Variants in BCR observed in about 807,000 individuals in gnomAD.
BCR encodes BCR activator of RhoGEF and GTPase, also known as breakpoint cluster region protein.
Under a neutral mutation model 138.6 loss-of-function variants are expected in BCR, and 58 were observed. The observed-to-expected ratio is 0.42, with a 90% CI of 0.34 to 0.52. The LOEUF is 0.52. Ranked by LOEUF, BCR falls within the 20% of genes least tolerant of loss-of-function variation. BCR has a pLI of 0.06. For synonymous variants in BCR, 786 were observed against 730.1 expected (o/e 1.08, Z -1.23); for missense variants, 1,599 against 1,727.2 (o/e 0.93, Z 1.32).
At chr22:23,254,680 G>A (rs1304267452) in intron 2 of BCR, 2 of 480,424 alleles carry the variant, frequency 4.2e-6, no homozygotes, top group Non-Finnish European at 4.2e-6. Context: ...AGCTCAGGGG[G>A]CTGCTTCAGC....
chr22:23,294,363 G>A (rs1159279366), intron 15 of BCR, among the ~76,000 whole-genome samples: 2 of 152,224 alleles, frequency 1.3e-5, no homozygotes, highest in African/African-American at 4.8e-5. Flanking sequence ...CGCCATAAAA[G>A]TGAACCTGCA....
chr22:23,271,361 G>T (rs1347394248), intron 5 of BCR, among the ~76,000 whole-genome samples, 171 bp from the exon 6 acceptor site: 1 of 152,234 alleles, frequency 6.6e-6, no homozygotes, highest in Non-Finnish European at 1.5e-5. Context: ...CATCCTGCGT[G>T]CTCGGCTTGC....
intron 1 of BCR, among the ~76,000 whole-genome samples, chr22:23,209,900 G>A (rs1201198847): frequency 1.3e-5 from 2 of 152,180 alleles, no homozygotes; most frequent in Non-Finnish European, 2.9e-5. Flanking sequence ...GAGTAACTGT[G>A]ATTACAGACA....
At chr22:23,250,740 T>C (rs2073215794) in intron 1 of BCR, among the ~76,000 whole-genome samples, 1 of 152,060 alleles carries the variant, frequency 6.6e-6, no homozygotes, top group South Asian at 2.1e-4. Context: ...ATGCATGATT[T>C]TAAAAAAGGA....
chr22:23,200,142 C>T (rs1261675920), intron 1 of BCR, among the ~76,000 whole-genome samples: 1 of 151,938 alleles, frequency 6.6e-6, no homozygotes, highest in South Asian at 2.1e-4. Context: ...CTGACGAGAC[C>T]TTGGACATCA....
intron 5 of BCR, among the ~76,000 whole-genome samples, chr22:23,270,615 G>A (rs1421417104): frequency 6.6e-6 from 1 of 152,236 alleles, no homozygotes; most frequent in African/African-American, 2.4e-5. Flanking sequence ...GCATGGCAGC[G>A]TTTGGCCCCA....
chr22:23,258,085 C>T (rs1196452291), intron 2 of BCR, among the ~76,000 whole-genome samples: 1 of 152,120 alleles, frequency 6.6e-6, no homozygotes, highest in East Asian at 1.9e-4. Flanking sequence ...TGTCCTTTTC[C>T]TTGGAGCTGC....
intron 21 of BCR, 57 bp from the exon 22 acceptor site, chr22:23,314,495 C>T (rs1262269295): frequency 1.9e-6 from 3 of 1,597,628 alleles, no homozygotes; most frequent in Admixed American, 3.4e-5. Flanking sequence ...CCCAGCCCCT[C>T]TGCCTCTCTC....
intron 1 of BCR, among the ~76,000 whole-genome samples, chr22:23,230,805 A>G (rs901918784): frequency 6.6e-6 from 1 of 152,296 alleles, no homozygotes; most frequent in East Asian, 1.9e-4. Flanking sequence ...CCTGCATGCC[A>G]GGCCTCACTT....
At chr22:23,182,801 A>C (rs1030228146) in intron 1 of BCR, among the ~76,000 whole-genome samples, 6 of 152,202 alleles carry the variant, frequency 3.9e-5, no homozygotes, top group Admixed American at 2.0e-4. Context: ...TCCTGAACAC[A>C]AGTCACAGCA....
chr22:23,217,427 G>A (rs929939081), intron 1 of BCR, among the ~76,000 whole-genome samples: 7 of 152,294 alleles, frequency 4.6e-5, no homozygotes, highest in African/African-American at 1.2e-4. Flanking sequence ...CTCTCTCTTC[G>A]CCTTGCTGAC....
chr22:23,226,995 G>A (rs1407793270), intron 1 of BCR, among the ~76,000 whole-genome samples: 1 of 152,180 alleles, frequency 6.6e-6, no homozygotes, highest in African/African-American at 2.4e-5. Flanking sequence ...ACCTGGAGGT[G>A]TCTGGAGCAG....
At chr22:23,279,146 C>G (rs934230637) in intron 8 of BCR, among the ~76,000 whole-genome samples, 4 of 152,216 alleles carry the variant, frequency 2.6e-5, no homozygotes, top group African/African-American at 9.6e-5. Context: ...AAGAGCTCAG[C>G]AAACATTAGC....
intron 4 of BCR, chr22:23,263,168 G>GGCGGCTCGGGAGTCAGCCGCCTGC (rs1178419210): frequency 5.1e-6 from 4 of 785,598 alleles, no homozygotes; most frequent in Admixed American, 2.9e-5. Flanking sequence ...AGGAGGAGGA[G>GGCGGCTCGGGAGTCAGCCGCCTGC]GCGGCTCGGG....
chr22:23,227,279 T>C (rs1307636133), intron 1 of BCR, among the ~76,000 whole-genome samples: 1 of 152,200 alleles, frequency 6.6e-6, no homozygotes, highest in African/African-American at 2.4e-5. Context: ...TGTTATTGTG[T>C]TCCGTCTAGA....
At chr22:23,273,844 C>T (rs954271101) in intron 8 of BCR, 70 bp downstream of exon 8, 3 of 1,594,580 alleles carry the variant, frequency 1.9e-6, no homozygotes, top group African/African-American at 2.7e-5. Flanking sequence ...GCCCCTCGAT[C>T]TGAGGTCTGG....
Position 23,292,612 on chromosome 22 carries a change from G to C in BCR, c.2854G>C (p.Asp952His). The change falls in exon 15 of 23, where the codon GAC (aspartate) becomes CAC (histidine). Residue 952 changes from aspartate (D) to histidine (H), a missense_variant. By Grantham distance (81) the Asp-to-His change is moderately conservative (BLOSUM62 -1). Coordinates refer to ENST00000305877, the MANE Select transcript of BCR (RefSeq NM_004327.4). ...TAAAGCAAAGACGCGCGTCTACAGGGACACAGCTGAGCCAAACTGGAACGA... is the reference window on the plus strand; with the variant it reads ...TAAAGCAAAGACGCGCGTCTACAGGCACACAGCTGAGCCAAACTGGAACGA... ...VNKAKTRVYR[D>H]TAEPNWNEEF... 2 of 1,612,842 alleles carry C rather than the reference G, an allele frequency of 1.2e-6. No homozygotes were observed. Among genetic ancestry groups the C allele is most frequent in the Non-Finnish European group, 1.7e-6 (2 of 1,179,294 alleles).
At chr22:23,227,312 CA>C (rs1384600569) in intron 1 of BCR, among the ~76,000 whole-genome samples, 1 of 152,198 alleles carries the variant, frequency 6.6e-6, no homozygotes, top group Non-Finnish European at 1.5e-5. Flanking sequence ...AAGTAGCTCC[CA>C]GTATTCCCCA....
chr22:23,238,635 C>G (rs759683636), intron 1 of BCR, among the ~76,000 whole-genome samples: 4 of 152,100 alleles, frequency 2.6e-5, no homozygotes, highest in African/African-American at 4.8e-5. Context: ...CTGGCCCGTA[C>G]CTGTTGCCAT....
Sources: allele counts gnomAD v4.1 joint callset (sites outside exome capture counted in the v4.1 genomes callset), GRCh38; gene constraint gnomAD v4.1.1; transcripts MANE v1.5; gene names NCBI Gene and HGNC (gene_info 2026-07-23, HGNC 2026-07-21).